CADM2: variants seen among roughly 807,000 people sequenced by gnomAD.
CADM2 encodes the protein immunoglobulin superfamily member 4D.
In CADM2, 12 loss-of-function variants were observed where a neutral mutation model predicts 49.8. The ratio of observed to expected loss-of-function variants is 0.24; its 90% CI spans 0.15 to 0.39. The LOEUF is 0.39. Among genes scored for constraint, CADM2 ranks in the 10% least tolerant of loss-of-function variants. The pLI, the probability that CADM2 is intolerant of heterozygous loss-of-function variation, is 1.00. For missense variants in CADM2, 378 were observed against 492.3 expected (o/e 0.77, Z 2.20); for synonymous variants, 214 against 175.4 (o/e 1.22, Z -1.74).
At chr3:85,680,650 G>A (rs1014738842) in intron 1 of CADM2, among the ~76,000 whole-genome samples, 3 of 152,106 alleles carry the variant, frequency 2.0e-5, no homozygotes, top group Admixed American at 6.5e-5. Flanking sequence ...ATAGAGAGAC[G>A]TTTTATGATT....
rs1703393503 is a variant in CADM2, at chr3:86,073,558, T to C, written c.*6775T>C. On this transcript the variant is annotated 3_prime_UTR_variant, in exon 10 of 10. Coordinates refer to ENST00000383699, the MANE Select transcript of CADM2 (RefSeq NM_001167675.2). Reference sequence around the variant, plus strand: ...AACTCTTATAAACATTTTTACAGGGTTCCCATTTGCACTTCATCTTTCAGT... The same window carrying C: ...AACTCTTATAAACATTTTTACAGGGCTCCCATTTGCACTTCATCTTTCAGT... 2.0e-5 allele frequency: 3 copies of C among 152,004 alleles called. No homozygotes were observed. Among genetic ancestry groups the C allele is most frequent in the Admixed American group, 2.0e-4 (3 of 15,252 alleles). 9.4% of individuals were successfully genotyped at this position (152,004 alleles called of 1,614,324 possible). A position where few individuals can be genotyped will look rare whatever the true frequency, so the allele number is the denominator to read the frequency against.
At chr3:85,481,228 G>GTATATA (rs2039195214) in intron 1 of CADM2, among the ~76,000 whole-genome samples, 1 of 51,138 alleles carries the variant, frequency 2.0e-5, no homozygotes, top group African/African-American at 3.8e-5. Flanking sequence ...TATATATATT[G>GTATATA]GATATATATA....
At chr3:85,728,144 T>C (rs1361706188) in intron 2 of CADM2, among the ~76,000 whole-genome samples, 1 of 152,176 alleles carries the variant, frequency 6.6e-6, no homozygotes, top group Non-Finnish European at 1.5e-5. Context: ...CATTGGAGAA[T>C]TATAGTCATA....
At chr3:86,051,530 C>T (rs141905717) in intron 8 of CADM2, among the ~76,000 whole-genome samples, 49 of 152,220 alleles carry the variant, frequency 3.2e-4, no homozygotes, top group Middle Eastern at 3.4e-3. Context: ...CTCCTTGATA[C>T]CAATTTTCTG....
chr3:85,645,327 A>C (rs1039239340), intron 1 of CADM2, among the ~76,000 whole-genome samples: 1 of 152,092 alleles, frequency 6.6e-6, no homozygotes, highest in Non-Finnish European at 1.5e-5. Flanking sequence ...TGCGTTTTAA[A>C]CAACTTTTTA....
At chr3:85,638,759 C>T (rs2064602676) in intron 1 of CADM2, among the ~76,000 whole-genome samples, 1 of 151,932 alleles carries the variant, frequency 6.6e-6, no homozygotes, top group South Asian at 2.1e-4. Flanking sequence ...CTAAAGGTTA[C>T]TATTTATTTT....
intron 1 of CADM2, among the ~76,000 whole-genome samples, chr3:85,499,764 G>T (rs1251202550): frequency 6.6e-6 from 1 of 152,006 alleles, no homozygotes. Context: ...AGCAACCTTA[G>T]GCTGTCTTAA....
chr3:85,144,266 CACACAT>C (rs946246708), intron 1 of CADM2, among the ~76,000 whole-genome samples: 1 of 150,846 alleles, frequency 6.6e-6, no homozygotes, highest in Non-Finnish European at 1.5e-5. Flanking sequence ...CACACACACA[CACACAT>C]GTGCACACAA....
intron 1 of CADM2, among the ~76,000 whole-genome samples, chr3:85,039,191 G>A (rs1202592376): frequency 6.6e-6 from 1 of 151,998 alleles, no homozygotes; most frequent in African/African-American, 2.4e-5. Context: ...AGCAGAGATG[G>A]GGCTTCTCCA....
At chr3:85,036,480 T>C (rs1037640199) in intron 1 of CADM2, among the ~76,000 whole-genome samples, 8 of 152,168 alleles carry the variant, frequency 5.3e-5, no homozygotes, top group African/African-American at 1.7e-4. Flanking sequence ...CTTGGAGCTA[T>C]TGACAACTAT....
At chr3:85,514,879 G>T (rs1355747555) in intron 1 of CADM2, among the ~76,000 whole-genome samples, 1 of 152,042 alleles carries the variant, frequency 6.6e-6, no homozygotes, top group Admixed American at 6.6e-5. Flanking sequence ...GTTTCATCCA[G>T]CATAGACATG....
chr3:85,577,086 T>C (rs2062652431), intron 1 of CADM2, among the ~76,000 whole-genome samples: 1 of 152,214 alleles, frequency 6.6e-6, no homozygotes, highest in South Asian at 2.1e-4. Context: ...ATGAAATCTA[T>C]GTACCCCATC....
chr3:85,014,642 TG>T (rs1699495773), intron 1 of CADM2, among the ~76,000 whole-genome samples: 1 of 152,132 alleles, frequency 6.6e-6, no homozygotes, highest in South Asian at 2.1e-4. Context: ...TGTTTGTTAG[TG>T]GTTTTGGCTC....
chr3:85,191,565 T>G (rs1200650774), intron 1 of CADM2, among the ~76,000 whole-genome samples: 1 of 152,128 alleles, frequency 6.6e-6, no homozygotes, highest in Non-Finnish European at 1.5e-5. Flanking sequence ...TCAGCAAGTT[T>G]GGCTCCAAAT....
chr3:84,959,733 C>T (rs1047823006), intron 1 of CADM2, 65 bp downstream of exon 1: 1 of 1,414,916 alleles, frequency 7.1e-7, no homozygotes, highest in East Asian at 2.5e-5. Context: ...CCCATTCCAC[C>T]CCATATTTCC....
intron 4 of CADM2, among the ~76,000 whole-genome samples, chr3:85,883,924 A>G (rs1312083006): frequency 6.6e-6 from 1 of 152,166 alleles, no homozygotes; most frequent in Non-Finnish European, 1.5e-5. Context: ...TAGTGCATTT[A>G]AATGACCCTG....
At chr3:85,940,194 C>A (rs578048288) in intron 7 of CADM2, among the ~76,000 whole-genome samples, 4 of 142,228 alleles carry the variant, frequency 2.8e-5, no homozygotes, top group African/African-American at 1.0e-4. Flanking sequence ...AAAAAAATAG[C>A]CGGGCGTGGT....
intron 1 of CADM2, among the ~76,000 whole-genome samples, chr3:85,398,889 A>G (rs1345465537): frequency 6.6e-6 from 1 of 152,096 alleles, no homozygotes. Context: ...TTCTTTGTAG[A>G]TTCTGGATAG....
intron 1 of CADM2, among the ~76,000 whole-genome samples, chr3:85,008,272 TA>T: frequency 6.6e-6 from 1 of 152,326 alleles, no homozygotes; most frequent in East Asian, 1.9e-4. Flanking sequence ...CAAAGTTTTA[TA>T]AATTTTGCTT....
Sources: allele counts gnomAD v4.1 joint callset (sites outside exome capture counted in the v4.1 genomes callset), GRCh38; gene constraint gnomAD v4.1.1; transcripts MANE v1.5; gene names NCBI Gene and HGNC (gene_info 2026-07-23, HGNC 2026-07-21).